TANK: variants seen among roughly 807,000 people sequenced by gnomAD.
TANK encodes TRAF family member associated NFKB activator.
Under a neutral mutation model 43.6 loss-of-function variants are expected in TANK, and 15 were observed. The ratio of observed to expected loss-of-function variants is 0.34; its 90% confidence interval spans 0.23 to 0.53. TANK has a LOEUF of 0.53. Ranked by LOEUF, TANK falls within the 20% of genes least tolerant of loss-of-function variation. TANK has a pLI of 0.94. For missense variants in TANK, 417 were observed against 498.6 expected, an observed-to-expected ratio of 0.84 and a Z score of 1.56; for synonymous variants, 162 against 178.2, an observed-to-expected ratio of 0.91 and a Z score of 0.73.
At chr2:161,165,039 CTTTT>C (rs11314845) in intron 1 of TANK, among the ~76,000 whole-genome samples, 4 of 97,688 alleles carry the variant, frequency 4.1e-5, no homozygotes, top group Admixed American at 1.1e-4. Context: ...AACACCAATA[CTTTT>C]TTTTTTTTTT....
At chr2:161,146,142 G>C (rs544636820) in intron 1 of TANK, among the ~76,000 whole-genome samples, 19 of 152,156 alleles carry the variant, frequency 1.2e-4, no homozygotes, top group Admixed American at 3.3e-4. Flanking sequence ...TATGCTTCAC[G>C]AAGTTCTCGT....
intron 1 of TANK, among the ~76,000 whole-genome samples, chr2:161,151,791 A>C (rs1684088417): frequency 2.6e-5 from 4 of 152,096 alleles, no homozygotes; most frequent in Non-Finnish European, 5.9e-5. Context: ...TTGATAAGGA[A>C]GGTCTTACGG....
At chr2:161,232,789 C>T in intron 7 of TANK, 1 of 1,550,504 alleles carries the variant, frequency 6.4e-7, no homozygotes, top group Non-Finnish European at 8.7e-7. Context: ...GCTTTCTATA[C>T]TACAGCAAGG....
At chr2:161,196,214 G>T (rs1161062918) in intron 2 of TANK, among the ~76,000 whole-genome samples, 1 of 152,184 alleles carries the variant, frequency 6.6e-6, no homozygotes, top group Admixed American at 6.5e-5. Context: ...AGGAATACTA[G>T]CAAAGAACCA....
chr2:161,171,937 A>G (rs1684958426), intron 1 of TANK, among the ~76,000 whole-genome samples: 1 of 152,174 alleles, frequency 6.6e-6, no homozygotes, highest in South Asian at 2.1e-4. Flanking sequence ...ACCAGAGGAT[A>G]GATACAAACT....
At chr2:161,154,024 A>G (rs1684153055) in intron 1 of TANK, among the ~76,000 whole-genome samples, 1 of 152,188 alleles carries the variant, frequency 6.6e-6, no homozygotes, top group African/African-American at 2.4e-5. Context: ...TAGTGAGTAT[A>G]AGTTTCTCTA....
intron 7 of TANK, among the ~76,000 whole-genome samples, chr2:161,234,732 A>G (rs1416456799): frequency 9.2e-5 from 14 of 152,218 alleles, no homozygotes; most frequent in Non-Finnish European, 5.9e-5. Flanking sequence ...CATGTGTTAG[A>G]TTTTGTTGAA....
At chr2:161,202,594 A>G (rs1227769114) in intron 2 of TANK, among the ~76,000 whole-genome samples, 1 of 152,186 alleles carries the variant, frequency 6.6e-6, no homozygotes, top group African/African-American at 2.4e-5. Context: ...TGAAATATCT[A>G]GTATCTACTG....
chr2:161,165,410 T>G (rs185912424), intron 1 of TANK, among the ~76,000 whole-genome samples: 1 of 152,188 alleles, frequency 6.6e-6, no homozygotes, highest in African/African-American at 2.4e-5. Flanking sequence ...TGTGAGAGAT[T>G]TAAGTGGTTT....
intron 4 of TANK, among the ~76,000 whole-genome samples, chr2:161,211,412 ATTTG>A (rs1686881581): frequency 6.6e-6 from 1 of 152,018 alleles, no homozygotes; most frequent in Admixed American, 6.6e-5. Context: ...CTTAATCCAC[ATTTG>A]TTTGTTAAGT....
intron 1 of TANK, among the ~76,000 whole-genome samples, chr2:161,150,624 T>G (rs1040567611): frequency 2.1e-5 from 3 of 144,932 alleles, no homozygotes; most frequent in East Asian, 2.0e-4. Flanking sequence ...TGAGATGGAG[T>G]CTTACTCTGT....
At chr2:161,207,346 T>C in intron 4 of TANK, 3 of 944,272 alleles carry the variant, frequency 3.2e-6, no homozygotes, top group East Asian at 1.2e-4. Context: ...CTTAATTATC[T>C]TTACTAATAG....
chr2:161,140,355 T>C (rs1683707739), intron 1 of TANK, among the ~76,000 whole-genome samples: 2 of 152,180 alleles, frequency 1.3e-5, no homozygotes, highest in Admixed American at 1.3e-4. Context: ...GCTTAGAAAT[T>C]ACTCTTTTTA....
chr2:161,203,330 A>G (rs1315596576), intron 2 of TANK, among the ~76,000 whole-genome samples, 157 bp from the exon 3 acceptor site: 1 of 152,206 alleles, frequency 6.6e-6, no homozygotes, highest in Non-Finnish European at 1.5e-5. Context: ...TGTAACAATT[A>G]CAAGTACATT....
At chr2:161,167,066 T>G (rs529776727) in intron 1 of TANK, among the ~76,000 whole-genome samples, 1 of 152,330 alleles carries the variant, frequency 6.6e-6, no homozygotes, top group African/African-American at 2.4e-5. Context: ...GCAGAACATT[T>G]ACCCAGAAAC....
At chr2:161,212,599 A>C (rs988498515) in intron 4 of TANK, 37 of 985,224 alleles carry the variant, frequency 3.8e-5, no homozygotes, top group Non-Finnish European at 4.0e-5. Flanking sequence ...GTCACCTTCT[A>C]AATTGTCTTT....
chr2:161,175,253 A>G (rs892989621), intron 1 of TANK, among the ~76,000 whole-genome samples: 3 of 152,198 alleles, frequency 2.0e-5, no homozygotes, highest in African/African-American at 7.2e-5. Flanking sequence ...CATATTGACC[A>G]TAACACCCTG....
upstream of TANK, chr2:161,156,159 G>A: frequency 1.0e-6 from 1 of 985,028 alleles, no homozygotes; most frequent in Non-Finnish European, 1.2e-6. Context: ...AAGAAGTTGG[G>A]GCATAATCTT....
At chr2:161,174,745 G>A (rs942467571) in intron 1 of TANK, among the ~76,000 whole-genome samples, 9 of 152,066 alleles carry the variant, frequency 5.9e-5, no homozygotes, top group African/African-American at 9.7e-5. Flanking sequence ...AAGCTTTAGC[G>A]TAATCCGTCA....
Sources: allele counts gnomAD v4.1 joint callset (sites outside exome capture counted in the v4.1 genomes callset), GRCh38; gene constraint gnomAD v4.1.1; transcripts MANE v1.5; gene names NCBI Gene and HGNC (gene_info 2026-07-23, HGNC 2026-07-21).